Variants in SLC39A11 observed in about 807,000 individuals in gnomAD.
SLC39A11 encodes zinc transporter ZIP11.
A neutral mutation model predicts 36.1 loss-of-function variants in SLC39A11; 33 were observed. The ratio of observed to expected loss-of-function variants is 0.91; its 90% CI spans 0.69 to 1.22. The LOEUF is 1.22. Ranked by LOEUF, SLC39A11 falls within the 50% of genes most tolerant of loss-of-function variation. The probability of loss-of-function intolerance (pLI) is 0.00; values close to 1 mark genes in which losing one functional copy is unlikely to be tolerated. For synonymous variants in SLC39A11, 166 were observed against 170.3 expected, an observed-to-expected ratio of 0.97 and a Z score of 0.20; for missense variants, 432 against 430.3, an observed-to-expected ratio of 1.00 and a Z score of -0.03.
intron 4 of SLC39A11, among the ~76,000 whole-genome samples, chr17:73,013,251 C>A (rs2090622695): frequency 6.6e-6 from 1 of 152,028 alleles, no homozygotes; most frequent in Non-Finnish European, 1.5e-5. Flanking sequence ...TCACACCTAG[C>A]TAATTTTTGT....
chr17:72,823,250 G>A (rs1466993018), intron 6 of SLC39A11, among the ~76,000 whole-genome samples: 1 of 151,224 alleles, frequency 6.6e-6, no homozygotes, highest in Non-Finnish European at 1.5e-5. Context: ...TTGACCTTGA[G>A]GCATGAGTCT....
intron 6 of SLC39A11, among the ~76,000 whole-genome samples, chr17:72,754,511 G>A (rs554145329): frequency 6.6e-6 from 1 of 152,174 alleles, no homozygotes; most frequent in Non-Finnish European, 1.5e-5. Flanking sequence ...TTGGCCTACA[G>A]AGGATGAGGA....
chr17:72,680,041 C>CAAAAAAAAAAA (rs199650969), intron 7 of SLC39A11, among the ~76,000 whole-genome samples: 1 of 71,664 alleles, frequency 1.4e-5, no homozygotes, highest in Non-Finnish European at 2.5e-5. Flanking sequence ...GACTCTGTCT[C>CAAAAAAAAAAA]AAAAAAAAAA....
At chr17:72,934,792 TA>T (rs2084643636) in intron 5 of SLC39A11, among the ~76,000 whole-genome samples, 2 of 152,318 alleles carry the variant, frequency 1.3e-5, no homozygotes, top group South Asian at 4.1e-4. Context: ...TCGACATCAT[TA>T]GTCATTAGGG....
At chr17:72,819,886 TAAG>T (rs2077707338) in intron 6 of SLC39A11, among the ~76,000 whole-genome samples, 1 of 151,230 alleles carries the variant, frequency 6.6e-6, no homozygotes, top group Non-Finnish European at 1.5e-5. Flanking sequence ...CTCTCTGTGT[TAAG>T]AAGCTCACAC....
intron 6 of SLC39A11, among the ~76,000 whole-genome samples, chr17:72,748,481 G>A (rs948510064): frequency 6.6e-6 from 1 of 152,060 alleles, no homozygotes; most frequent in Middle Eastern, 3.2e-3. Context: ...ATTGTTTCAC[G>A]TTGGGATCCC....
chr17:72,946,919 C>T (rs916674477), intron 5 of SLC39A11, among the ~76,000 whole-genome samples: 2 of 152,236 alleles, frequency 1.3e-5, no homozygotes, highest in African/African-American at 4.8e-5. Flanking sequence ...TCAGTAATTG[C>T]TGTCTGATTC....
rs568998376 is a variant in SLC39A11, at chr17:72,850,946, A to T, written c.431-1142T>A. Among the ~76,000 whole-genome samples, 16 of 152,264 alleles carry T rather than the reference A, an allele frequency of 1.1e-4. No homozygotes were observed. The South Asian group carries it at 2.3e-3, about 22-fold the overall frequency. On this transcript the variant is annotated intron_variant, in intron 5 of 9. Transcript: ENST00000255559. ...AGCCAATCAGAATCCCTCTCCAGGG[A>T]GAATTGGCCACTCCAACGTGCAAGC... is the stretch of plus-strand genomic sequence containing the variant.
intron 6 of SLC39A11, among the ~76,000 whole-genome samples, chr17:72,801,748 T>C (rs890041069): frequency 6.6e-6 from 1 of 152,182 alleles, no homozygotes; most frequent in African/African-American, 2.4e-5. Flanking sequence ...TCTTTTAGGG[T>C]GATAAAAGTT....
chr17:72,950,059 T>A (rs1250955587), intron 4 of SLC39A11, among the ~76,000 whole-genome samples: 1 of 152,048 alleles, frequency 6.6e-6, no homozygotes, highest in Non-Finnish European at 1.5e-5. Context: ...ATGATTCAGA[T>A]CTTTTATTTC....
At chr17:73,084,389 G>T (rs1416878445) in intron 3 of SLC39A11, among the ~76,000 whole-genome samples, 1 of 122,578 alleles carries the variant, frequency 8.2e-6, no homozygotes, top group Non-Finnish European at 1.6e-5. Flanking sequence ...AGTGAACCAT[G>T]ACTGTGCCAC....
chr17:72,946,199 G>A (rs192619682), intron 5 of SLC39A11, among the ~76,000 whole-genome samples: 63 of 152,336 alleles, frequency 4.1e-4, no homozygotes, highest in Admixed American at 1.3e-3. Flanking sequence ...TACCTAAAGC[G>A]TTCTGATGGG....
At chr17:72,757,660 T>A (rs2075408713) in intron 6 of SLC39A11, among the ~76,000 whole-genome samples, 1 of 149,902 alleles carries the variant, frequency 6.7e-6, no homozygotes, top group African/African-American at 2.5e-5. Context: ...TTTTTTTTTA[T>A]CCCTTCCTGC....
chr17:73,068,733 C>G (rs2060072515), intron 3 of SLC39A11, among the ~76,000 whole-genome samples: 1 of 152,128 alleles, frequency 6.6e-6, no homozygotes, highest in Non-Finnish European at 1.5e-5. Context: ...TCTCACACTT[C>G]CTATCTCCTA....
chr17:72,805,752 CT>C (rs547328994), intron 6 of SLC39A11, among the ~76,000 whole-genome samples: 96 of 145,562 alleles, frequency 6.6e-4, no homozygotes, highest in African/African-American at 1.2e-3. Flanking sequence ...TTTTCTTTTT[CT>C]TTTTTTTTTT....
intron 6 of SLC39A11, among the ~76,000 whole-genome samples, chr17:72,836,957 G>A (rs773982421): frequency 1.3e-5 from 2 of 152,168 alleles, no homozygotes; most frequent in Non-Finnish European, 2.9e-5. Flanking sequence ...GTACCTAACA[G>A]TAGAATTTTC....
chr17:72,806,507 A>C (rs1032382884), intron 6 of SLC39A11, among the ~76,000 whole-genome samples: 3 of 152,216 alleles, frequency 2.0e-5, no homozygotes, highest in African/African-American at 7.2e-5. Flanking sequence ...TTTTTTATAT[A>C]GTGGGCTGGC....
chr17:72,730,263 G>A (rs1007891765), intron 7 of SLC39A11, among the ~76,000 whole-genome samples: 2 of 152,158 alleles, frequency 1.3e-5, no homozygotes, highest in African/African-American at 2.4e-5. Context: ...GTTGCTAGGC[G>A]CCTACAAACG....
chr17:72,839,772 T>C (rs1370012225), intron 6 of SLC39A11: 1 of 152,218 alleles, frequency 6.6e-6, no homozygotes, highest in East Asian at 1.9e-4. Context: ...ATCTCTAGCA[T>C]AAAGGAATAA....
Sources: gnomAD v4.1 joint callset for allele counts (sites outside exome capture counted in the v4.1 genomes callset) on GRCh38, gnomAD v4.1.1 for gene constraint, MANE v1.5 for transcripts, NCBI Gene and HGNC (gene_info 2026-07-23, HGNC 2026-07-21) for gene names.